MIB2: variants seen among roughly 807,000 people sequenced by gnomAD.
The protein encoded by MIB2 is E3 ubiquitin-protein ligase MIB2.
In MIB2, 78 loss-of-function variants were observed where a neutral mutation model predicts 96.6. The ratio of observed to expected loss-of-function variants is 0.81; its 90% CI spans 0.67 to 0.97. MIB2 has a LOEUF of 0.97. Ranked by LOEUF, MIB2 falls within the 50% of genes least tolerant of loss-of-function variation. The pLI, the probability that MIB2 is intolerant of heterozygous loss-of-function variation, is 0.00. For synonymous variants in MIB2, 820 were observed against 629.5 expected (o/e 1.30, Z -4.53); for missense variants, 1,543 against 1,424.0 (o/e 1.08, Z -1.35).
chr1:1,624,952 G>C, intron 5 of MIB2, 39 bp from the exon 6 acceptor site: 1 of 1,607,028 alleles, frequency 6.2e-7, no homozygotes, highest in African/African-American at 1.3e-5. Context: ...GCTGGCTCAT[G>C]GCTCAGCCTT....
intron 2 of MIB2, 198 bp downstream of exon 2, chr1:1,616,812 G>C (rs1363075099): frequency 1.9e-6 from 1 of 528,548 alleles, no homozygotes; most frequent in Non-Finnish European, 3.3e-6. Flanking sequence ...ACAGGCCTCT[G>C]ATAGGCACCT....
At position 1,627,680 on chromosome 1, in the gene MIB2, C is replaced by T. The variant is rs1376135801; in HGVS notation, c.1531C>T (p.Pro511Ser). ...CACTTCCTCTCCTGTCAGGAACCAG[C>T]CCGAGGCCACCAGGGTGCTCCTGAG... The part of the protein sequence containing the change: ...ALHYAALGNQ[P>S]EATRVLLSAG... The change falls in exon 13 of 20, where the codon CCC becomes TCC. Residue 511 changes from proline (P) to serine (S), a missense_variant. By Grantham distance (74) the Pro-to-Ser change is moderately conservative. Coordinates refer to ENST00000355826, the MANE Select transcript of MIB2 (RefSeq NM_001170687.4). The T allele has an allele frequency of 6.3e-7, 1 of 1,593,222 alleles. No individual in the cohort carries two copies. The highest frequency in any genetic ancestry group is 8.5e-7 in the Non-Finnish European group (1 of 1,177,734).
intron 12 of MIB2, 88 bp from the exon 13 acceptor site, chr1:1,627,585 C>CGTCCT: frequency 6.7e-7 from 1 of 1,499,960 alleles, no homozygotes; most frequent in South Asian, 1.3e-5. Context: ...TGAGCCTGTG[C>CGTCCT]GTCCTGGGGT....
upstream of MIB2, chr1:1,615,447 C>T (rs1338709521): frequency 4.5e-5 from 68 of 1,505,464 alleles, no homozygotes; most frequent in Non-Finnish European, 5.3e-5. Flanking sequence ...ATCCCCGTGG[C>T]GGGGGCGTGG....
chr1:1,625,423 G>A lies in MIB2; in HGVS notation c.859G>A (p.Ala287Thr), dbSNP rs1427829653. ...CCACGGCGGCTGGAACCCCAGGATG[G>A]CGGAGGTGAGCCGCCCCGCCGTGGA... The part of the protein sequence containing the change: ...EGHGGWNPRM[A>T]EFIGQTGTVH... Residue 287 changes from alanine to threonine, a missense_variant, in exon 7 of 20, where the codon GCG becomes ACG. By Grantham distance (58) the Ala-to-Thr change is moderately conservative. Coordinates refer to ENST00000355826, the MANE Select transcript of MIB2 (RefSeq NM_001170687.4). This position sits in a 1 kb window ranked among gnomAD's most constrained non-coding sequence, Gnocchi z 5.0. 1 of 1,567,438 alleles carries A rather than the reference G, an allele frequency of 6.4e-7. No homozygotes were observed. The highest frequency in any genetic ancestry group is 1.9e-5 in the Admixed American group (1 of 53,000).
In MIB2 at chr1:1,625,435, C is replaced by A; in HGVS notation, c.864+7C>A. The A allele has an allele frequency of 1.9e-6, 3 of 1,558,840 alleles. No homozygotes were observed. The highest frequency in any genetic ancestry group is 2.6e-6 in the Non-Finnish European group (3 of 1,153,172). The stretch of plus-strand genomic sequence containing the variant: ...GAACCCCAGGATGGCGGAGGTGAGC[C>A]GCCCCGCCGTGGAGCCCTGTGTGCC... On this transcript the variant is annotated splice_region_variant and intron_variant, in intron 7 of 19. Coordinates refer to ENST00000355826, the MANE Select transcript of MIB2 (RefSeq NM_001170687.4). This position sits in a 1 kb window ranked among gnomAD's most constrained non-coding sequence, Gnocchi z 5.0.
chr1:1,627,702 T>C lies in MIB2; in HGVS notation c.1553T>C (p.Leu518Pro). 6.3e-7 allele frequency: 1 copy of C among 1,595,276 alleles called. No individual in the cohort carries two copies. Among genetic ancestry groups the C allele is most frequent in the Non-Finnish European group, 8.5e-7 (1 of 1,178,596 alleles). ...CAGCCCGAGGCCACCAGGGTGCTCC[T>C]GAGTGCTGGGTGCCGGGCGGACGCC... Reference protein sequence around the residue: ...GNQPEATRVLLSAGCRADAIN... With the variant: ...GNQPEATRVLPSAGCRADAIN... The change falls in exon 13 of 20, where the codon CTG (leucine) becomes CCG (proline). Residue 518 changes from leucine (L) to proline (P), a missense_variant. Coordinates refer to ENST00000355826, the MANE Select transcript of MIB2 (RefSeq NM_001170687.4).
rs760319805 is a variant in MIB2, at chr1:1,628,611, G to A, written c.2091G>A (p.Glu697=). 5.0e-6 allele frequency: 8 copies of A among 1,598,828 alleles called. No homozygotes were observed. Among genetic ancestry groups the A allele is most frequent in the South Asian group, 3.3e-5 (3 of 89,926 alleles). The change falls in exon 16 of 20, where the codon GAG becomes GAA. Residue 697 remains glutamate (E), a synonymous_variant. Transcript: ENST00000355826. ...ACGCTGGGTGCAGTGTCAACGCCGA[G>A]GACGAGGAGGGGGACACAGCCCTGC... is the stretch of plus-strand genomic sequence containing the variant. The part of the protein sequence containing the change: ...LVDAGCSVNA[E]DEEGDTALHV...
At position 1,624,791 on chromosome 1, in the gene MIB2, G is replaced by GT; in HGVS notation, c.420-4_420-3insT. ...GAGAGCTTTATTTGTGAACCCTCTT[G>GT]CAGTGTCACACTGAGTCCCCGCCAG... On this transcript the variant is annotated splice_polypyrimidine_tract_variant and splice_region_variant and intron_variant, in intron 4 of 19. Coordinates refer to ENST00000355826, the MANE Select transcript of MIB2 (RefSeq NM_001170687.4). 6.2e-7 allele frequency: 1 copy of GT among 1,611,880 alleles called. No homozygotes were observed. The highest frequency in any genetic ancestry group is 8.5e-7 in the Non-Finnish European group (1 of 1,179,342).
In MIB2 at chr1:1,628,486, C is replaced by T; in HGVS notation, c.1969-3C>T. 1.3e-6 allele frequency: 2 copies of T among 1,596,784 alleles called. No homozygotes were observed. Among genetic ancestry groups the T allele is most frequent in the Non-Finnish European group, 1.7e-6 (2 of 1,175,520 alleles). On this transcript the variant is annotated splice_region_variant and splice_polypyrimidine_tract_variant and intron_variant, in intron 15 of 19. Coordinates refer to ENST00000355826, the MANE Select transcript of MIB2 (RefSeq NM_001170687.4). ...GGCTGAGCCCGTCCCCACCCCTCCC[C>T]AGGGCCGCTGTGACGTGAACGTGCG...
intron 2 of MIB2, 199 bp from the exon 3 acceptor site, chr1:1,623,232 C>T: frequency 2.2e-6 from 2 of 919,118 alleles, no homozygotes; most frequent in Non-Finnish European, 3.1e-6. Context: ...ACGGCGCCCG[C>T]CTTTCCCACC....
In MIB2 at chr1:1,629,250, C is replaced by A. The variant is rs754693322; in HGVS notation, c.2320C>A (p.Leu774Met). ...CACCAACCACCGCGGTCGGAGCCCGCTGGACCTGGCCGCCGAGGGTCGCGT... is the reference window on the plus strand; with the variant it reads ...CACCAACCACCGCGGTCGGAGCCCGATGGACCTGGCCGCCGAGGGTCGCGT... ...SYTNHRGRSP[L>M]DLAAEGRVLK... The change falls in exon 17 of 20, where the codon CTG becomes ATG. Residue 774 changes from leucine (L) to methionine (M), a missense_variant. Leu to Met is a conservative substitution (Grantham distance 15). Coordinates refer to ENST00000355826, the MANE Select transcript of MIB2 (RefSeq NM_001170687.4). 7 of 1,545,898 alleles carry A rather than the reference C, an allele frequency of 4.5e-6. No individual in the cohort carries two copies. In the South Asian group the frequency reaches 7.1e-5, roughly 16 times the overall value.
At chr1:1,621,191 C>A (rs574147584) in intron 2 of MIB2, among the ~76,000 whole-genome samples, 6 of 152,356 alleles carry the variant, frequency 3.9e-5, no homozygotes, top group African/African-American at 1.4e-4. Context: ...AGAGGCCCCG[C>A]GAGGGGAATA....
intron 1 of MIB2, 40 bp downstream of exon 1, chr1:1,615,673 C>T: frequency 1.9e-6 from 3 of 1,545,716 alleles, no homozygotes; most frequent in South Asian, 2.4e-5. Context: ...GTCCTCCGCA[C>T]CGTCCCCGAG....
intron 2 of MIB2, 193 bp downstream of exon 2, chr1:1,616,807 C>T (rs1327856327): frequency 5.6e-6 from 3 of 533,252 alleles, no homozygotes; most frequent in East Asian, 7.0e-5. Flanking sequence ...GCCAGACAGG[C>T]CTCTGATAGG....
Position 1,629,401 on chromosome 1 carries a change from GGGGGCGCGGCCCCGGGCCCCA to G in MIB2, c.2401_2421del (p.Gly801_Arg807del). ...CCCCTGCAGGGAGCGGCAGGCGGGC[GGGGGCGCGGCCCCGGGCCCCA>G]GGCAAACGCTCGGGACCCCCAACAC... On this transcript the variant is annotated inframe_deletion, in exon 18 of 20. Transcript: ENST00000355826. 1 of 1,445,984 alleles carries G rather than the reference GGGGGCGCGGCCCCGGGCCCCA, an allele frequency of 6.9e-7. No homozygotes were observed. Among genetic ancestry groups the G allele is most frequent in the Non-Finnish European group, 9.0e-7 (1 of 1,111,722 alleles). 89.6% of individuals were successfully genotyped at this position (1,445,984 alleles called of 1,614,324 possible).
chr1:1,626,408 C>G lies in MIB2; in HGVS notation c.973-242C>G, dbSNP rs547454887. Reference sequence around the variant, plus strand: ...ACCTCGGCTTCACACCTGCCCAGAGCTGGCTTCTGTCTGCCTGGACACTCC... The same window carrying G: ...ACCTCGGCTTCACACCTGCCCAGAGGTGGCTTCTGTCTGCCTGGACACTCC... On this transcript the variant is annotated intron_variant, in intron 8 of 19. Transcript: ENST00000355826. This position sits in a 1 kb window ranked among gnomAD's most constrained non-coding sequence, Gnocchi z 5.3. The G allele has an allele frequency of 1.9e-5, 10 of 533,622 alleles. No homozygotes were observed. Among genetic ancestry groups the G allele is most frequent in the Admixed American group, 1.4e-4 (4 of 27,940 alleles). 33.1% of individuals were successfully genotyped at this position (533,622 alleles called of 1,614,324 possible). A position where few individuals can be genotyped will look rare whatever the true frequency, so the allele number is the denominator to read the frequency against.
At chr1:1,619,478 G>T (rs1408332933) in intron 2 of MIB2, among the ~76,000 whole-genome samples, 1 of 152,260 alleles carries the variant, frequency 6.6e-6, no homozygotes, top group Non-Finnish European at 1.5e-5. Context: ...CACCGCAGAA[G>T]GGTTGGCAGG....
Position 1,627,339 on chromosome 1 carries a change from C to T in MIB2, c.1418C>T (p.Ala473Val). The part of the protein sequence containing the change: ...NQGRTALQVA[A>V]YLGQVELIRL... ...GGCAGGACCGCTCTGCAAGTGGCTG[C>T]CTACCTGGGCCAGGTGGAGTTGATA... The change falls in exon 12 of 20, where the codon GCC (alanine) becomes GTC (valine). Residue 473 changes from alanine (A) to valine (V), a missense_variant. Ala to Val is a moderately conservative substitution (Grantham distance 64). Transcript: ENST00000355826. 1.2e-6 allele frequency: 2 copies of T among 1,613,104 alleles called. No homozygotes were observed. Among genetic ancestry groups the T allele is most frequent in the Non-Finnish European group, 8.5e-7 (1 of 1,179,956 alleles).
Sources: gnomAD v4.1 joint callset for allele counts (sites outside exome capture counted in the v4.1 genomes callset) on GRCh38, gnomAD v4.1.1 for gene constraint, Gnocchi (gnomAD v3.1) non-coding constraint, MANE v1.5 for transcripts, NCBI Gene and HGNC (gene_info 2026-07-23, HGNC 2026-07-21) for gene names.